EVI5: variants seen among roughly 807,000 people sequenced by gnomAD.
EVI5 encodes ecotropic viral integration site 5 protein homolog.
A neutral mutation model predicts 112.0 loss-of-function variants in EVI5; 73 were observed. That is an observed-to-expected ratio of 0.65 (90% CI 0.54 to 0.79). The LOEUF is 0.79. Among genes scored for constraint, EVI5 ranks in the 30% least tolerant of loss-of-function variants. EVI5 has a pLI of 0.00. For synonymous variants in EVI5, 305 were observed against 319.9 expected (o/e 0.95, Z 0.50); for missense variants, 900 against 968.8 (o/e 0.93, Z 0.94).
At chr1:92,695,209 G>C in intron 7 of EVI5, 101 bp downstream of exon 7, 1 of 922,834 alleles carries the variant, frequency 1.1e-6, no homozygotes, top group Non-Finnish European at 1.6e-6. Flanking sequence ...GTTTTGCATG[G>C]GACACATGGC....
At chr1:92,639,216 C>T (rs930343213) in intron 13 of EVI5, among the ~76,000 whole-genome samples, 2 of 152,022 alleles carry the variant, frequency 1.3e-5, no homozygotes, top group Non-Finnish European at 2.9e-5. Context: ...GCAGAGTCTG[C>T]TTTTCAATCC....
At chr1:92,676,654 C>T (rs770578009) in intron 10 of EVI5, among the ~76,000 whole-genome samples, 4 of 152,000 alleles carry the variant, frequency 2.6e-5, no homozygotes, top group Non-Finnish European at 5.9e-5. Context: ...ATATGCCCTT[C>T]GAATTGAAAA....
intron 13 of EVI5, among the ~76,000 whole-genome samples, chr1:92,661,850 T>C (rs1664070408): frequency 6.6e-6 from 1 of 152,190 alleles, no homozygotes; most frequent in South Asian, 2.1e-4. Context: ...CTTCCAGATC[T>C]GCATAGAGTT....
At chr1:92,606,802 T>C (rs1448656421) in intron 17 of EVI5, among the ~76,000 whole-genome samples, 1 of 151,922 alleles carries the variant, frequency 6.6e-6, no homozygotes, top group African/African-American at 2.4e-5. Context: ...GAAAGGTGGA[T>C]GCCTAGTTTA....
At chr1:92,743,362 G>T (rs975546518) in intron 1 of EVI5, among the ~76,000 whole-genome samples, 1 of 151,836 alleles carries the variant, frequency 6.6e-6, no homozygotes, top group African/African-American at 2.4e-5. Context: ...AAAAAAAAAA[G>T]GGAAGGAAAT....
In EVI5 at chr1:92,703,549, C is replaced by T. The variant is rs140165223; in HGVS notation, c.410G>A (p.Ser137Asn). 39 of 1,600,272 alleles carry T rather than the reference C, an allele frequency of 2.4e-5. No individual in the cohort carries two copies. The highest frequency in any genetic ancestry group is 4.6e-5 in the South Asian group (4 of 87,418). ...IVWQLLCSAQ[S>N]MPIKDQYSEL... ...TGAATACTGATCCTTAATTGGCATA[C>T]TTTGTGCACTGCATAAAAGTTGCCA... Residue 137 changes from serine to asparagine, a missense_variant, in exon 4 of 20, where the codon AGT becomes AAT. Transcript: ENST00000684568.
chr1:92,664,087 T>C (rs1664480963), intron 11 of EVI5, among the ~76,000 whole-genome samples: 1 of 152,204 alleles, frequency 6.6e-6, no homozygotes, highest in Non-Finnish European at 1.5e-5. Context: ...TTACATCTTT[T>C]AGACTTAATC....
At chr1:92,628,620 T>C (rs915636445) in intron 14 of EVI5, among the ~76,000 whole-genome samples, 2 of 152,184 alleles carry the variant, frequency 1.3e-5, no homozygotes, top group Admixed American at 6.5e-5. Context: ...ATAAAAAGGA[T>C]ACAGGGTAGC....
At chr1:92,658,288 A>T (rs1270808485) in intron 13 of EVI5, among the ~76,000 whole-genome samples, 1 of 152,200 alleles carries the variant, frequency 6.6e-6, no homozygotes, top group Non-Finnish European at 1.5e-5. Flanking sequence ...GGAAAAGAGG[A>T]AGTCAAATTA....
At chr1:92,647,559 C>T in intron 13 of EVI5, 1 of 543,248 alleles carries the variant, frequency 1.8e-6, no homozygotes. Context: ...CTGGGTTTCT[C>T]TTATGTTCTT....
At chr1:92,783,503 A>AG (rs1685157501) in intron 1 of EVI5, among the ~76,000 whole-genome samples, 2 of 148,008 alleles carry the variant, frequency 1.4e-5, no homozygotes, top group African/African-American at 2.5e-5. Context: ...AAAAAAAAAA[A>AG]AAAAGAAAAG....
At chr1:92,747,161 T>C (rs963216861) in intron 1 of EVI5, among the ~76,000 whole-genome samples, 4 of 152,270 alleles carry the variant, frequency 2.6e-5, no homozygotes, top group African/African-American at 9.6e-5. Context: ...AAAACAGTAC[T>C]GTATAACAAC....
chr1:92,551,273 C>T (rs993603620), intron 19 of EVI5, among the ~76,000 whole-genome samples: 2 of 39,940 alleles, frequency 5.0e-5, no homozygotes, highest in African/African-American at 3.6e-4. Flanking sequence ...GTGATCCACC[C>T]GCCTCTGCCT....
chr1:92,774,153 A>C (rs965798631), intron 1 of EVI5: 8 of 152,360 alleles, frequency 5.3e-5, no homozygotes, highest in African/African-American at 1.9e-4. Context: ...CTGTATTCAA[A>C]GACATTACAT....
At chr1:92,715,652 G>A (rs964445157) in intron 2 of EVI5, among the ~76,000 whole-genome samples, 4 of 152,154 alleles carry the variant, frequency 2.6e-5, no homozygotes, top group African/African-American at 7.2e-5. Context: ...AAAGCAGGGC[G>A]GGGCGTCACC....
At chr1:92,544,380 C>CA (rs1450622129) in intron 19 of EVI5, among the ~76,000 whole-genome samples, 13 of 152,116 alleles carry the variant, frequency 8.5e-5, no homozygotes, top group Admixed American at 8.5e-4. Context: ...AATCAGACAG[C>CA]ATTTTGTATG....
intron 2 of EVI5, among the ~76,000 whole-genome samples, chr1:92,728,735 A>C (rs1381743993): frequency 6.6e-6 from 1 of 152,186 alleles, no homozygotes; most frequent in Non-Finnish European, 1.5e-5. Context: ...AAAAATATTA[A>C]ACAGAAAGTT....
Position 92,624,229 on chromosome 1 carries a change from T to G in EVI5, c.1774A>C (p.Thr592Pro). Residue 592 changes from threonine (T) to proline (P), a missense_variant, in exon 16 of 20, where the codon ACA becomes CCA. Transcript: ENST00000684568. ...TTTATTTCTCTTATTTCTGCTTGTGTTTCAGCTTCTCTAAGTCGAATGGTC... is the reference window on the plus strand; with the variant it reads ...TTTATTTCTCTTATTTCTGCTTGTGGTTCAGCTTCTCTAAGTCGAATGGTC... ...LMTIRLREAE[T>P]QAEIREIKQR... is the part of the protein sequence containing the mutation. 1 of 1,613,868 alleles carries G rather than the reference T, an allele frequency of 6.2e-7. No homozygotes were observed.
At chr1:92,539,918 A>C (rs1229155351) in intron 19 of EVI5, among the ~76,000 whole-genome samples, 1 of 152,176 alleles carries the variant, frequency 6.6e-6, no homozygotes, top group Non-Finnish European at 1.5e-5. Context: ...TTCTTTCTCT[A>C]TAAATTTATC....
Sources: allele counts gnomAD v4.1 joint callset (sites outside exome capture counted in the v4.1 genomes callset), GRCh38; gene constraint gnomAD v4.1.1; transcripts MANE v1.5; gene names NCBI Gene and HGNC (gene_info 2026-07-23, HGNC 2026-07-21).